IFI44L: variants seen among roughly 807,000 people sequenced by gnomAD.
The protein encoded by IFI44L is interferon-induced protein 44-like.
A neutral mutation model predicts 39.3 loss-of-function variants in IFI44L; 40 were observed. The ratio of observed to expected loss-of-function variants is 1.02; its 90% CI spans 0.79 to 1.33. The LOEUF is 1.33. Ranked by LOEUF, IFI44L falls within the 40% of genes most tolerant of loss-of-function variation. The pLI is 0.00. For synonymous variants in IFI44L, 198 were observed against 182.3 expected, an observed-to-expected ratio of 1.09 and a Z score of -0.69; for missense variants, 623 against 549.0, an observed-to-expected ratio of 1.13 and a Z score of -1.35.
At chr1:78,628,554 T>C in intron 2 of IFI44L, 161 bp downstream of exon 2, 1 of 596,690 alleles carries the variant, frequency 1.7e-6, no homozygotes. Flanking sequence ...AACATAAGGA[T>C]TATGAGGTTT....
Position 78,641,174 on chromosome 1 carries a change from C to T in IFI44L, c.1149+53C>T, listed in dbSNP as rs371980437. 69 of 1,252,814 alleles carry T rather than the reference C, an allele frequency of 5.5e-5. 1 individual carries two copies. In the African/African-American group the frequency reaches 5.9e-4, roughly 11 times the overall value. The allele number at this position is 1,252,814 out of a possible 1,614,324, so 77.6% of individuals were successfully genotyped here. A position where few individuals can be genotyped will look rare whatever the true frequency, so the allele number is the denominator to read the frequency against. On this transcript the variant is annotated intron_variant, in intron 7 of 8. Coordinates refer to ENST00000370751, the MANE Select transcript of IFI44L (RefSeq NM_006820.4). The stretch of plus-strand genomic sequence containing the variant: ...TTATTGTAATAGTATCACAATCATA[C>T]GTGTGTGTGTTTGTGTGTGTCTGTA...
chr1:78,640,951 A>T, intron 6 of IFI44L, 70 bp from the exon 7 acceptor site: 1 of 1,119,374 alleles, frequency 8.9e-7, no homozygotes, highest in Non-Finnish European at 1.3e-6. Context: ...TTGCCTTCAC[A>T]CATATTTAAT....
At chr1:78,634,329 A>C (rs1652860577) in intron 4 of IFI44L, among the ~76,000 whole-genome samples, 1 of 152,170 alleles carries the variant, frequency 6.6e-6, no homozygotes, top group African/African-American at 2.4e-5. Flanking sequence ...CTGGAAGATA[A>C]AAAAGCAAAT....
At chr1:78,634,260 C>T (rs1652858378) in intron 4 of IFI44L, among the ~76,000 whole-genome samples, 1 of 151,962 alleles carries the variant, frequency 6.6e-6, no homozygotes, top group Non-Finnish European at 1.5e-5. Context: ...AGAAGATTAA[C>T]CCAAGATATA....
chr1:78,622,026 CT>C (rs375288564), intron 1 of IFI44L, among the ~76,000 whole-genome samples: 80 of 152,178 alleles, frequency 5.3e-4, no homozygotes, highest in Non-Finnish European at 1.0e-3. Context: ...GAACTTCTAC[CT>C]TCTATTTAAC....
rs1268047802 is a variant in IFI44L, at chr1:78,643,693, G to A, written c.*1884G>A. On this transcript the variant is annotated 3_prime_UTR_variant, in exon 9 of 9. Transcript: ENST00000370751. ...GTTTTTTTGCTGAGTCAATTCCTTG[G>A]AGGGGGTCTTCAGACTGACTGGTGT... 6.7e-6 allele frequency: 1 copy of A among 148,358 alleles called. No homozygotes were observed. Among genetic ancestry groups the A allele is most frequent in the South Asian group, 2.1e-4 (1 of 4,708 alleles). 9.2% of individuals were successfully genotyped at this position (148,358 alleles called of 1,614,324 possible).
intron 3 of IFI44L, 53 bp from the exon 4 acceptor site, chr1:78,629,667 G>A: frequency 5.2e-6 from 7 of 1,342,180 alleles, no homozygotes; most frequent in South Asian, 1.4e-5. Flanking sequence ...TGTTCTTTAT[G>A]GTATTCTTTA....
At chr1:78,629,673 C>CT in intron 3 of IFI44L, 47 bp from the exon 4 acceptor site, 1 of 1,419,404 alleles carries the variant, frequency 7.0e-7, no homozygotes. Flanking sequence ...TTATGGTATT[C>CT]TTTATTGGCT....
chr1:78,639,459 C>G (rs1329086352), intron 6 of IFI44L, among the ~76,000 whole-genome samples: 1 of 151,834 alleles, frequency 6.6e-6, no homozygotes, highest in Non-Finnish European at 1.5e-5. Context: ...TGAAACTAGT[C>G]AACAGCAAAA....
In IFI44L at chr1:78,623,414, T is replaced by G. The variant is rs1156798639; in HGVS notation, c.-11+2843T>G. Among the ~76,000 whole-genome samples the G allele has an allele frequency of 1.2e-3, 179 of 149,214 alleles. 1 individual carries two copies. The highest frequency in any genetic ancestry group is 3.9e-3 in the African/African-American group (159 of 40,702). On this transcript the variant is annotated intron_variant, in intron 1 of 8. Transcript: ENST00000370751. ...GTTTTTTGTTTTTTTTTTTTTTTTT[T>G]TTTTTTTTTTTTAAATCATGGAAGG... is the stretch of plus-strand genomic sequence containing the variant.
intron 6 of IFI44L, among the ~76,000 whole-genome samples, chr1:78,640,395 G>A (rs962633261): frequency 2.6e-5 from 4 of 152,052 alleles, no homozygotes; most frequent in Non-Finnish European, 4.4e-5. Context: ...AGGTAGTAAA[G>A]GAAATCATTT....
At chr1:78,630,397 T>A (rs1249154949) in intron 4 of IFI44L, among the ~76,000 whole-genome samples, 1 of 152,066 alleles carries the variant, frequency 6.6e-6, no homozygotes, top group Non-Finnish European at 1.5e-5. Context: ...AGTGTAAATC[T>A]TACAAAAACT....
intron 1 of IFI44L, among the ~76,000 whole-genome samples, chr1:78,623,697 G>T (rs2100471389): frequency 6.6e-6 from 1 of 152,220 alleles, no homozygotes; most frequent in Non-Finnish European, 1.5e-5. Flanking sequence ...TGGAGCCAGT[G>T]GTGGAACTCC....
At chr1:78,625,205 CAT>C (rs969910841) in intron 1 of IFI44L, among the ~76,000 whole-genome samples, 1 of 151,890 alleles carries the variant, frequency 6.6e-6, no homozygotes, top group African/African-American at 2.4e-5. Flanking sequence ...TCTGGAAGAA[CAT>C]GTGTAAGATT....
intron 4 of IFI44L, among the ~76,000 whole-genome samples, chr1:78,635,044 A>G (rs1474880847): frequency 6.7e-6 from 1 of 149,636 alleles, no homozygotes; most frequent in Non-Finnish European, 1.5e-5. Flanking sequence ...ATATATATAT[A>G]CACACACGTT....
chr1:78,639,410 G>A (rs1400961087), intron 6 of IFI44L, among the ~76,000 whole-genome samples: 1 of 152,020 alleles, frequency 6.6e-6, no homozygotes, highest in South Asian at 2.1e-4. Context: ...AAAGTTTTCT[G>A]TCTTGCTACA....
intron 1 of IFI44L, among the ~76,000 whole-genome samples, chr1:78,622,103 C>T (rs571324616): frequency 6.6e-6 from 1 of 152,264 alleles, no homozygotes; most frequent in African/African-American, 2.4e-5. Flanking sequence ...CCCACCCTTC[C>T]TAGCCTCCAG....
intron 4 of IFI44L, 80 bp downstream of exon 4, chr1:78,629,995 C>G: frequency 7.9e-7 from 1 of 1,260,626 alleles, no homozygotes; most frequent in Non-Finnish European, 1.1e-6. Context: ...TCTCTTAGGG[C>G]AATCCTAATA....
rs557316369 is a variant in IFI44L at position 78,642,376 on chromosome 1, C to T, written c.*567C>T. ...CCTGGGCAACATGATGAAACCCCAT[C>T]TCCACTGCAAAAAAAAAAAAAAAAA... On this transcript the variant is annotated 3_prime_UTR_variant, in exon 9 of 9. Transcript: ENST00000370751. The T allele has an allele frequency of 1.4e-5, 2 of 139,762 alleles. No homozygotes were observed. Among genetic ancestry groups the T allele is most frequent in the South Asian group, 2.3e-4 (1 of 4,322 alleles). 8.7% of individuals were successfully genotyped at this position (139,762 alleles called of 1,614,324 possible).
Sources: allele counts gnomAD v4.1 joint callset (sites outside exome capture counted in the v4.1 genomes callset), GRCh38; gene constraint gnomAD v4.1.1; transcripts MANE v1.5; gene names NCBI Gene and HGNC (gene_info 2026-07-23, HGNC 2026-07-21).